RGS7: variants seen among roughly 807,000 people sequenced by gnomAD.
RGS7 encodes regulator of G-protein signaling 7.
In RGS7, 27 loss-of-function variants were observed where a neutral mutation model predicts 81.1. That is an observed-to-expected ratio of 0.33 (90% CI 0.25 to 0.46). The LOEUF (loss-of-function observed/expected upper bound fraction) is 0.46. Ranked by LOEUF, RGS7 falls within the 20% of genes least tolerant of loss-of-function variation. The pLI is 1.00. For synonymous variants in RGS7, 208 were observed against 207.7 expected (o/e 1.00, Z -0.01); for missense variants, 396 against 607.4 (o/e 0.65, Z 3.66).
chr1:241,027,437 T>C (rs1482149095), intron 3 of RGS7, among the ~76,000 whole-genome samples: 1 of 152,120 alleles, frequency 6.6e-6, no homozygotes, highest in East Asian at 1.9e-4. Context: ...GTGATGTGAT[T>C]TGCATTTTTA....
intron 4 of RGS7, among the ~76,000 whole-genome samples, chr1:240,969,371 A>G (rs909652068): frequency 1.3e-5 from 2 of 152,338 alleles, no homozygotes; most frequent in Admixed American, 1.3e-4. Flanking sequence ...ACAATTGTGC[A>G]TCGTCCATTT....
At chr1:241,173,974 C>T (rs2070921742) in intron 2 of RGS7, among the ~76,000 whole-genome samples, 1 of 152,088 alleles carries the variant, frequency 6.6e-6, no homozygotes, top group Non-Finnish European at 1.5e-5. Flanking sequence ...GTGAAAGCAC[C>T]ATTCATGCTT....
At position 240,868,093 on chromosome 1, in the gene RGS7, A is replaced by AAAGAAAGAAAAGAAGAGAAAAGAAAG; in HGVS notation, c.609+493_609+494insCTTTCTTTTCTCTTCTTTTCTTTCTT. ...AGAAAAGAAAGAAAGAAAAAGAAAG[A>AAAGAAAGAAAAGAAGAGAAAAGAAAG]AAAGAAAAAGAAAGAAAAGAAAAGG... is the stretch of plus-strand genomic sequence containing the variant. On this transcript the variant is annotated intron_variant, in intron 9 of 18. Transcript: ENST00000440928. The surrounding 1 kb of genome is among the most constrained non-coding windows in gnomAD (Gnocchi z 5.1). Among the ~76,000 whole-genome samples the AAAGAAAGAAAAGAAGAGAAAAGAAAG allele has an allele frequency of 3.4e-5, 5 of 147,254 alleles. No individual in the cohort carries two copies. The highest frequency in any genetic ancestry group is 1.3e-4 in the African/African-American group (5 of 38,414).
intron 2 of RGS7, among the ~76,000 whole-genome samples, chr1:241,107,967 A>G (rs1323028742): frequency 6.6e-6 from 1 of 152,112 alleles, no homozygotes; most frequent in Non-Finnish European, 1.5e-5. Context: ...AGCAGTCTCA[A>G]AAAAATAAGA....
chr1:241,054,762 A>G (rs1227408927), intron 3 of RGS7, among the ~76,000 whole-genome samples: 2 of 152,122 alleles, frequency 1.3e-5, no homozygotes, highest in Admixed American at 6.5e-5. Context: ...CCCATATCTG[A>G]TTTGTCAGCA....
chr1:241,067,708 T>C (rs1339800841), intron 3 of RGS7, among the ~76,000 whole-genome samples: 1 of 151,960 alleles, frequency 6.6e-6, no homozygotes, highest in Non-Finnish European at 1.5e-5. Flanking sequence ...AGAGATGGGG[T>C]TTCACCATGT....
intron 2 of RGS7, among the ~76,000 whole-genome samples, chr1:241,256,963 G>A (rs1345686273): frequency 5.5e-5 from 8 of 144,680 alleles, no homozygotes; most frequent in African/African-American, 1.8e-4. Context: ...ACACACACAC[G>A]TGTGTGTATC....
intron 9 of RGS7, among the ~76,000 whole-genome samples, chr1:240,843,492 C>T (rs752624210): frequency 5.3e-5 from 8 of 152,144 alleles, no homozygotes; most frequent in Non-Finnish European, 1.0e-4. Context: ...TCTTCAACTC[C>T]TGACCTCAAG....
chr1:240,805,307 C>CT (rs1021452198), intron 15 of RGS7, among the ~76,000 whole-genome samples: 1 of 152,112 alleles, frequency 6.6e-6, no homozygotes, highest in African/African-American at 2.4e-5. Context: ...TTGCTTAAGC[C>CT]TGGGAGGCCA....
chr1:240,889,235 A>G (rs1364862237), intron 6 of RGS7, among the ~76,000 whole-genome samples: 2 of 152,098 alleles, frequency 1.3e-5, no homozygotes, highest in African/African-American at 4.8e-5. Flanking sequence ...GGGATTACAG[A>G]CGTGAGCCAC....
chr1:241,016,194 A>G (rs558932419), intron 3 of RGS7, among the ~76,000 whole-genome samples: 18 of 152,288 alleles, frequency 1.2e-4, no homozygotes, highest in Non-Finnish European at 1.5e-4. Flanking sequence ...CTCACACCAA[A>G]CCAGGTTTAA....
rs71568983 is a variant in RGS7, at chr1:241,068,224, T to TTGTGTGTGTGTGTGTGTGTGTGTGTGTG, written c.175+30441_175+30442insCACACACACACACACACACACACACACA. Reference sequence around the variant, plus strand: ...TTTGCTTTTGGGTTCTATCCATAAATTGTGTGTGTGTGTGTATATATATAT... The same window carrying TTGTGTGTGTGTGTGTGTGTGTGTGTGTG: ...TTTGCTTTTGGGTTCTATCCATAAATTGTGTGTGTGTGTGTGTGTGTGTGTGTGTGTGTGTGTGTGTGTATATATATAT... On this transcript the variant is annotated intron_variant, in intron 3 of 18. Transcript: ENST00000440928. Among the ~76,000 whole-genome samples the TTGTGTGTGTGTGTGTGTGTGTGTGTGTG allele has an allele frequency of 2.4e-3, 135 of 55,762 alleles. 17 individuals carry two copies. Among genetic ancestry groups the TTGTGTGTGTGTGTGTGTGTGTGTGTGTG allele is most frequent in the African/African-American group, 7.4e-3 (120 of 16,158 alleles). The allele number at this position is 55,762 out of a possible 152,430, so 36.6% of individuals were successfully genotyped here. A position where few individuals can be genotyped will look rare whatever the true frequency, so the allele number is the denominator to read the frequency against.
intron 2 of RGS7, among the ~76,000 whole-genome samples, chr1:241,325,498 C>A (rs1310515609): frequency 6.6e-6 from 1 of 152,168 alleles, no homozygotes; most frequent in African/African-American, 2.4e-5. Flanking sequence ...TGAGAGGCAT[C>A]TTTCATGTAT....
At chr1:240,925,953 T>C (rs1208559625) in intron 6 of RGS7, among the ~76,000 whole-genome samples, 1 of 152,170 alleles carries the variant, frequency 6.6e-6, no homozygotes, top group African/African-American at 2.4e-5. Context: ...TCATGTCCCT[T>C]GCCCACTTTT....
intron 6 of RGS7, among the ~76,000 whole-genome samples, chr1:240,908,940 C>T (rs551181002): frequency 1.3e-5 from 2 of 152,252 alleles, no homozygotes; most frequent in African/African-American, 4.8e-5. Flanking sequence ...AAAGGTTATG[C>T]TAACATTTGG....
intron 2 of RGS7, among the ~76,000 whole-genome samples, chr1:241,221,954 C>T (rs1248942916): frequency 1.3e-5 from 2 of 152,082 alleles, no homozygotes; most frequent in African/African-American, 2.4e-5. Flanking sequence ...ACACTTTATA[C>T]ACACACACAT....
intron 2 of RGS7, among the ~76,000 whole-genome samples, chr1:241,285,941 T>C (rs1181763607): frequency 6.6e-6 from 1 of 152,192 alleles, no homozygotes; most frequent in Non-Finnish European, 1.5e-5. Flanking sequence ...ATCACATCCC[T>C]TATTTTTGAA....
At chr1:240,973,708 G>A (rs889611341) in intron 4 of RGS7, among the ~76,000 whole-genome samples, 6 of 151,496 alleles carry the variant, frequency 4.0e-5, no homozygotes, top group Non-Finnish European at 8.8e-5. Context: ...TCCTGCCTCA[G>A]CCTCCTGAGT....
intron 3 of RGS7, among the ~76,000 whole-genome samples, chr1:241,021,322 C>T (rs913052914): frequency 1.3e-5 from 2 of 152,102 alleles, no homozygotes; most frequent in African/African-American, 4.8e-5. Context: ...AGCAAGGAGA[C>T]AATAATTTAT....
Sources: gnomAD v4.1 joint callset for allele counts (sites outside exome capture counted in the v4.1 genomes callset) on GRCh38, gnomAD v4.1.1 for gene constraint, Gnocchi (gnomAD v3.1) non-coding constraint, MANE v1.5 for transcripts, NCBI Gene and HGNC (gene_info 2026-07-23, HGNC 2026-07-21) for gene names.